The following FHIP2A variants were observed in gnomAD, a reference collection of about 807,000 sequenced individuals.
FHIP2A encodes family with sequence similarity 160 member B1.
In FHIP2A, 46 loss-of-function variants were observed where a neutral mutation model predicts 93.5. The observed-to-expected ratio is 0.49, with a 90% CI of 0.39 to 0.63. The LOEUF (loss-of-function observed/expected upper bound fraction) is 0.63. FHIP2A is among the 20% of genes least tolerant of loss of function. The pLI, the probability that FHIP2A is intolerant of heterozygous loss-of-function variation, is 0.00. For synonymous variants in FHIP2A, 332 were observed against 326.5 expected (o/e 1.02, Z -0.18); for missense variants, 769 against 909.7 (o/e 0.85, Z 1.99).
At chr10:114,844,016 T>C in intron 7 of FHIP2A, 79 bp downstream of exon 7, 1 of 1,219,748 alleles carries the variant, frequency 8.2e-7, no homozygotes, top group Non-Finnish European at 1.1e-6. Flanking sequence ...TATTTTGCAA[T>C]GGTAGAAGTC....
intron 13 of FHIP2A, among the ~76,000 whole-genome samples, chr10:114,852,537 G>T (rs761478361): frequency 6.6e-6 from 1 of 152,146 alleles, no homozygotes; most frequent in Non-Finnish European, 1.5e-5. Context: ...TTGCCAAGTT[G>T]TATCAGTTTT....
In FHIP2A at chr10:114,855,238, T is replaced by C. The variant is rs1466259920; in HGVS notation, c.1845T>C (p.Pro615=). The C allele has an allele frequency of 6.2e-7, 1 of 1,614,098 alleles. No individual in the cohort carries two copies. Among genetic ancestry groups the C allele is most frequent in the Non-Finnish European group, 8.5e-7 (1 of 1,179,962 alleles). ...YCAICLRWEW[P]GSPKALEKCN... ...CTATCTGCTTAAGATGGGAGTGGCCTGGGTCTCCAAAAGCATTGGAAAAGT... is the reference window on the plus strand; with the variant it reads ...CTATCTGCTTAAGATGGGAGTGGCCCGGGTCTCCAAAAGCATTGGAAAAGT... The change falls in exon 14 of 17, where the codon CCT becomes CCC. Residue 615 remains proline (P), a synonymous_variant. Transcript: ENST00000369248.
downstream of FHIP2A, among the ~76,000 whole-genome samples, chr10:114,867,905 A>G (rs566820553): frequency 4.8e-4 from 73 of 151,754 alleles, no homozygotes; most frequent in African/African-American, 1.7e-3. Context: ...TTTCCCAAGT[A>G]TGAGTCTAAG....
intron 3 of FHIP2A, among the ~76,000 whole-genome samples, chr10:114,835,017 T>A (rs1003249189): frequency 8.5e-5 from 13 of 152,200 alleles, no homozygotes; most frequent in African/African-American, 3.1e-4. Flanking sequence ...CAGCTCTAAT[T>A]TAAAATGATG....
intron 13 of FHIP2A, among the ~76,000 whole-genome samples, chr10:114,851,714 CAAAAAAAAAA>C (rs60649106): frequency 1.2e-5 from 1 of 81,950 alleles, no homozygotes; most frequent in Non-Finnish European, 2.2e-5. Context: ...TCCATTTCTG[CAAAAAAAAAA>C]AAAAAAAAAA....
At position 114,836,263 on chromosome 10, in the gene FHIP2A, A is replaced by G. The variant is rs770534789; in HGVS notation, c.522+17A>G. On this transcript the variant is annotated intron_variant, in intron 5 of 16. Coordinates refer to ENST00000369248, the MANE Select transcript of FHIP2A (RefSeq NM_020940.4). ...TTCCTAGAGGTATGATACACTTTTT[A>G]TCAACTTTCAAACTGTAGTTATATT... The G allele has an allele frequency of 1.3e-6, 2 of 1,558,630 alleles. No homozygotes were observed. Among genetic ancestry groups the G allele is most frequent in the South Asian group, 2.4e-5 (2 of 84,598 alleles).
intron 16 of FHIP2A, among the ~76,000 whole-genome samples, chr10:114,877,246 A>T (rs1466263549): frequency 1.3e-5 from 2 of 152,070 alleles, no homozygotes. Context: ...CTGGAGGGCG[A>T]TGTCTCCAAA....
chr10:114,833,664 C>T (rs999760567), intron 3 of FHIP2A, among the ~76,000 whole-genome samples: 12 of 151,784 alleles, frequency 7.9e-5, no homozygotes, highest in Admixed American at 2.0e-4. Context: ...AACTCAAGTA[C>T]GTGAGCTCAG....
chr10:114,891,219 A>G (rs1295723173), intron 16 of FHIP2A, among the ~76,000 whole-genome samples: 2 of 138,466 alleles, frequency 1.4e-5, no homozygotes, highest in Non-Finnish European at 3.1e-5. Flanking sequence ...AACAACAACA[A>G]ATATATATAT....
intron 16 of FHIP2A, among the ~76,000 whole-genome samples, chr10:114,879,152 G>A (rs964077680): frequency 3.9e-5 from 6 of 152,134 alleles, no homozygotes; most frequent in African/African-American, 7.2e-5. Context: ...TTTGTTAAAG[G>A]TAACCAGAAT....
intron 5 of FHIP2A, among the ~76,000 whole-genome samples, chr10:114,838,615 A>G (rs2083650031): frequency 6.6e-6 from 1 of 152,140 alleles, no homozygotes; most frequent in Admixed American, 6.5e-5. Flanking sequence ...TGTACTTGGA[A>G]TGCATGTATT....
At chr10:114,881,287 T>G (rs2083915883) in intron 16 of FHIP2A, among the ~76,000 whole-genome samples, 1 of 152,222 alleles carries the variant, frequency 6.6e-6, no homozygotes. Flanking sequence ...CACAGCCTTT[T>G]GGAGAGCTTT....
At chr10:114,824,186 C>T (rs575705889) in intron 1 of FHIP2A, among the ~76,000 whole-genome samples, 2 of 152,302 alleles carry the variant, frequency 1.3e-5, no homozygotes, top group African/African-American at 4.8e-5. Context: ...AACTAGTCCC[C>T]TACAGATACC....
chr10:114,862,449 C>A lies in FHIP2A; in HGVS notation c.*909C>A. ...CGCATGGTGGTGTCTAGGTGGGGAA[C>A]TGACTGATAACCCTTGGCAGCAATC... On this transcript the variant is annotated 3_prime_UTR_variant, in exon 17 of 17. Transcript: ENST00000369248. 1.0e-6 allele frequency: 1 copy of A among 987,530 alleles called. No individual in the cohort carries two copies. Among genetic ancestry groups the A allele is most frequent in the Non-Finnish European group, 1.2e-6 (1 of 830,086 alleles). 61.2% of individuals were successfully genotyped at this position (987,530 alleles called of 1,614,324 possible). A position where few individuals can be genotyped will look rare whatever the true frequency, so the allele number is the denominator to read the frequency against.
chr10:114,876,560 G>T (rs1461262499), intron 16 of FHIP2A, among the ~76,000 whole-genome samples: 2 of 152,168 alleles, frequency 1.3e-5, no homozygotes, highest in Admixed American at 6.5e-5. Context: ...GGTACTGGAT[G>T]CACGGCAGGC....
Position 114,843,094 on chromosome 10 carries a change from T to A in FHIP2A, c.684T>A (p.Pro228=). ...GMEQTELEDE[P]PHQMDHLSTS... ...AGCAAACAGAATTGGAAGATGAGCC[T>A]CCTCATCAGATGGATCACCTGTCCA... is the stretch of plus-strand genomic sequence containing the variant. Residue 228 remains proline, a synonymous_variant, in exon 6 of 17, where the codon CCT becomes CCA. Coordinates refer to ENST00000369248, the MANE Select transcript of FHIP2A (RefSeq NM_020940.4). 6.2e-7 allele frequency: 1 copy of A among 1,614,052 alleles called. No individual in the cohort carries two copies.
chr10:114,889,178 G>T (rs766193910), intron 16 of FHIP2A, among the ~76,000 whole-genome samples: 24 of 152,054 alleles, frequency 1.6e-4, no homozygotes, highest in Non-Finnish European at 3.4e-4. Context: ...TGTGCTGTGT[G>T]GGTGGAGAAT....
At position 114,863,718 on chromosome 10, in the gene FHIP2A, C is replaced by T; in HGVS notation, c.*2178C>T. ...GTTAGTGAAACATTGTACTGCATCA[C>T]CAGTTTTTCTTACCTTCTGTTGACA... On this transcript the variant is annotated 3_prime_UTR_variant, in exon 17 of 17. Coordinates refer to ENST00000369248, the MANE Select transcript of FHIP2A (RefSeq NM_020940.4). The T allele has an allele frequency of 7.7e-7, 1 of 1,297,262 alleles. No individual in the cohort carries two copies. Among genetic ancestry groups the T allele is most frequent in the South Asian group, 1.3e-5 (1 of 79,326 alleles). The allele number at this position is 1,297,262 out of a possible 1,614,324, so 80.4% of individuals were successfully genotyped here. A position where few individuals can be genotyped will look rare whatever the true frequency, so the allele number is the denominator to read the frequency against.
chr10:114,872,604 C>G (rs1039757633), intron 16 of FHIP2A, among the ~76,000 whole-genome samples: 1 of 152,130 alleles, frequency 6.6e-6, no homozygotes, highest in African/African-American at 2.4e-5. Context: ...GCTTTGTAGT[C>G]ATAATTACTA....
Sources: allele counts gnomAD v4.1 joint callset (sites outside exome capture counted in the v4.1 genomes callset), GRCh38; gene constraint gnomAD v4.1.1; transcripts MANE v1.5; gene names NCBI Gene and HGNC (gene_info 2026-07-23, HGNC 2026-07-21).